HDGF: variants seen among roughly 807,000 people sequenced by gnomAD.
HDGF encodes the protein hepatoma-derived growth factor.
HDGF carries 5 observed loss-of-function variants against 30.0 expected under a neutral mutation model. The ratio of observed to expected loss-of-function variants is 0.17; its 90% CI spans 0.09 to 0.35. HDGF has a LOEUF of 0.35. HDGF is among the 10% of genes least tolerant of loss of function. The pLI is 1.00. For missense variants in HDGF, 214 were observed against 302.8 expected (o/e 0.71, Z 2.18); for synonymous variants, 133 against 112.7 (o/e 1.18, Z -1.14).
upstream of HDGF, among the ~76,000 whole-genome samples, chr1:156,756,705 G>T (rs752340054): frequency 1.4e-3 from 218 of 151,858 alleles, 2 homozygotes; most frequent in Non-Finnish European, 2.8e-3. Context: ...TGTAGTATTA[G>T]CTATTTTTCT....
intron 1 of HDGF, among the ~76,000 whole-genome samples, chr1:156,748,058 G>A (rs551298443): frequency 1.4e-4 from 22 of 152,284 alleles, no homozygotes; most frequent in Admixed American, 1.4e-3. Flanking sequence ...TAAAGGATGG[G>A]TCTAGAGGGA....
intron 1 of HDGF, among the ~76,000 whole-genome samples, chr1:156,761,158 C>CA (rs1483254427): frequency 6.6e-6 from 1 of 151,630 alleles, no homozygotes; most frequent in African/African-American, 2.4e-5. Context: ...ACTAAAAATA[C>CA]AAAAATTAGC....
upstream of HDGF, among the ~76,000 whole-genome samples, chr1:156,753,615 A>G (rs1428051317): frequency 6.6e-6 from 1 of 152,186 alleles, no homozygotes; most frequent in East Asian, 1.9e-4. Context: ...GCAGTGGCCA[A>G]TCTCGGCTCA....
rs752558374 is a variant in HDGF at position 156,744,271 on chromosome 1, C to A, written c.381G>T (p.Gly127=). 9.3e-6 allele frequency: 15 copies of A among 1,614,176 alleles called. No individual in the cohort carries two copies. The highest frequency in any genetic ancestry group is 1.3e-5 in the Non-Finnish European group (15 of 1,180,026). ...CCTCGTCGCTGCTGCCCTCTGCATTCCCCTTCTTATCACCGTCACCCTCTG... is the reference window on the plus strand; with the variant it reads ...CCTCGTCGCTGCTGCCCTCTGCATTACCCTTCTTATCACCGTCACCCTCTG... The part of the protein sequence containing the change: ...EAAEGDGDKK[G]NAEGSSDEEG... The change falls in exon 4 of 6, where the codon GGG becomes GGT. Residue 127 remains glycine (G), a synonymous_variant. Transcript: ENST00000357325.
At chr1:156,747,167 A>AT (rs1650613860) in intron 1 of HDGF, among the ~76,000 whole-genome samples, 1 of 129,406 alleles carries the variant, frequency 7.7e-6, no homozygotes, top group Non-Finnish European at 1.6e-5. Flanking sequence ...TACAAACACG[A>AT]TCCCCATCGC....
At chr1:156,752,223 G>C (rs202106362), upstream of HDGF, 344 of 1,551,694 alleles carry the variant, frequency 2.2e-4, 2 homozygotes, top group Non-Finnish European at 5.1e-5. Flanking sequence ...ACCTCGCCGT[G>C]CTTACCGTAT....
At chr1:156,761,563 AG>A (rs1203061809) in intron 1 of HDGF, among the ~76,000 whole-genome samples, 3 of 150,314 alleles carry the variant, frequency 2.0e-5, no homozygotes, top group African/African-American at 7.4e-5. Context: ...GAGCCGACAC[AG>A]TGCCACTGCA....
intron 1 of HDGF, among the ~76,000 whole-genome samples, chr1:156,760,445 A>G (rs2102739831): frequency 6.6e-6 from 1 of 152,338 alleles, no homozygotes; most frequent in South Asian, 2.1e-4. Flanking sequence ...AGCTCTGGCT[A>G]GGCTGGCGGA....
upstream of HDGF, among the ~76,000 whole-genome samples, chr1:156,752,913 C>A (rs768911378): frequency 5.9e-5 from 9 of 152,146 alleles, no homozygotes; most frequent in Non-Finnish European, 1.3e-4. Flanking sequence ...AAAGCATATG[C>A]AAAGTCTCCC....
chr1:156,759,186 GT>G (rs1651202548), exon 2 of HDGF: 1 of 152,142 alleles, frequency 6.6e-6, no homozygotes, highest in Non-Finnish European at 1.5e-5. Context: ...CTGGTTTAAC[GT>G]TTTGTGTAGG....
upstream of HDGF, among the ~76,000 whole-genome samples, chr1:156,757,125 AAG>A (rs1406982608): frequency 1.3e-5 from 2 of 151,930 alleles, no homozygotes; most frequent in Non-Finnish European, 2.9e-5. Context: ...GGAAAATTAT[AAG>A]AGTTATTCTC....
chr1:156,743,352 GA>G lies in HDGF; in HGVS notation c.*96del. ...AGAAGAGGAGAGCAGGTTGGGGTGGGAAAGGGGTTCCCAGTTTGCAGGCCAT... is the reference window on the plus strand; with the variant it reads ...AGAAGAGGAGAGCAGGTTGGGGTGGGAAGGGGTTCCCAGTTTGCAGGCCAT... On this transcript the variant is annotated 3_prime_UTR_variant, in exon 6 of 6. Transcript: ENST00000357325. The G allele has an allele frequency of 7.7e-7, 1 of 1,304,486 alleles. No individual in the cohort carries two copies. 80.8% of individuals were successfully genotyped at this position (1,304,486 alleles called of 1,614,324 possible). A position where few individuals can be genotyped will look rare whatever the true frequency, so the allele number is the denominator to read the frequency against.
rs144243169 is a variant in HDGF at position 156,743,290 on chromosome 1, A to G, written c.*159T>C. 1,672 of 763,214 alleles carry G rather than the reference A, an allele frequency of 2.2e-3. 21 individuals are homozygous for G. The highest frequency in any genetic ancestry group is 0.017 in the South Asian group (919 of 52,866). 47.3% of individuals were successfully genotyped at this position (763,214 alleles called of 1,614,324 possible). On this transcript the variant is annotated 3_prime_UTR_variant, in exon 6 of 6. Transcript: ENST00000357325. ...CAGGTGGCCTGCCCCATCCAGGTCA[A>G]TCTCCATGGGCTGGGCTTGGAGTGG...
chr1:156,745,949 CCAT>C (rs1650510215), intron 1 of HDGF, among the ~76,000 whole-genome samples: 1 of 152,196 alleles, frequency 6.6e-6, no homozygotes, highest in Admixed American at 6.5e-5. Context: ...GATGAAATGA[CCAT>C]AACTTGGCAT....
rs1037247490 is a variant in HDGF, at chr1:156,751,307, G to A, written c.87+36C>T. ...TCCCGGTGTTATGCAACCCAAGCCC[G>A]CAGGGGGTTAGGGGGCGGCGGGCCG... On this transcript the variant is annotated intron_variant, in intron 1 of 5. Coordinates refer to ENST00000357325, the MANE Select transcript of HDGF (RefSeq NM_004494.3). This position sits in a 1 kb window ranked among gnomAD's most constrained non-coding sequence, Gnocchi z 4.7. 4.4e-6 allele frequency: 7 copies of A among 1,596,608 alleles called. No homozygotes were observed. Among genetic ancestry groups the A allele is most frequent in the African/African-American group, 2.7e-5 (2 of 73,770 alleles).
intron 1 of HDGF, among the ~76,000 whole-genome samples, chr1:156,765,407 TTCTTTCTTTCTTTCTTTC>T (rs1651337566): frequency 1.5e-5 from 2 of 132,128 alleles, no homozygotes; most frequent in Admixed American, 7.5e-5. Context: ...TTATCCATTT[TTCTTTCTTTCTTTCTTTC>T]TCTTTCTTTC....
Position 156,751,619 on chromosome 1 carries a change from G to C in HDGF, c.-190C>G. 1.0e-6 allele frequency: 1 copy of C among 985,408 alleles called. No individual in the cohort carries two copies. Among genetic ancestry groups the C allele is most frequent in the Non-Finnish European group, 1.2e-6 (1 of 830,696 alleles). The allele number at this position is 985,408 out of a possible 1,614,324, so 61.0% of individuals were successfully genotyped here. A position where few individuals can be genotyped will look rare whatever the true frequency, so the allele number is the denominator to read the frequency against. ...CGCGCCGCACGGACGGGGCGGGCGC[G>C]GATCGGGGCAAGGCTCCGGCGCGGT... On this transcript the variant is annotated 5_prime_UTR_variant, in exon 1 of 6. Coordinates refer to ENST00000357325, the MANE Select transcript of HDGF (RefSeq NM_004494.3). This position sits in a 1 kb window ranked among gnomAD's most constrained non-coding sequence, Gnocchi z 4.7.
At chr1:156,765,472 C>CTTTTTTTTTTTTTTTTTTTTTTTT (rs71080793) in intron 1 of HDGF, among the ~76,000 whole-genome samples, 1 of 85,982 alleles carries the variant, frequency 1.2e-5, no homozygotes, top group Non-Finnish European at 2.1e-5. Context: ...TTCTTTCTTT[C>CTTTTTTTTTTTTTTTTTTTTTTTT]TTTTTTTTTT....
upstream of HDGF, among the ~76,000 whole-genome samples, chr1:156,755,322 G>C (rs1478680851): frequency 1.3e-5 from 2 of 152,120 alleles, no homozygotes; most frequent in Non-Finnish European, 2.9e-5. Flanking sequence ...ATTTCTGTAC[G>C]GATCAAGAAG....
Sources: gnomAD v4.1 joint callset for allele counts (sites outside exome capture counted in the v4.1 genomes callset) on GRCh38, gnomAD v4.1.1 for gene constraint, Gnocchi (gnomAD v3.1) non-coding constraint, MANE v1.5 for transcripts, NCBI Gene and HGNC (gene_info 2026-07-23, HGNC 2026-07-21) for gene names.